Variants in CYP27C1 observed in about 807,000 individuals in gnomAD.
CYP27C1 encodes the protein cytochrome P450 27C1.
A neutral mutation model predicts 40.6 loss-of-function variants in CYP27C1; 29 were observed. The observed-to-expected ratio is 0.71, with a 90% confidence interval of 0.53 to 0.97. The LOEUF is 0.97. Ranked by LOEUF, CYP27C1 falls within the 50% of genes least tolerant of loss-of-function variation. The probability of loss-of-function intolerance (pLI) is 0.00; values close to 1 mark genes in which losing one functional copy is unlikely to be tolerated. For synonymous variants in CYP27C1, 198 were observed against 186.8 expected, an observed-to-expected ratio of 1.06 and a Z score of -0.49; for missense variants, 390 against 485.8, an observed-to-expected ratio of 0.80 and a Z score of 1.85.
Position 127,209,742 on chromosome 2 carries a change from G to C in CYP27C1, c.283-3652C>G, listed in dbSNP as rs530794059. Among the ~76,000 whole-genome samples the C allele has an allele frequency of 6.6e-6, 1 of 152,250 alleles. No individual in the cohort carries two copies. Among genetic ancestry groups the C allele is most frequent in the East Asian group, 1.9e-4 (1 of 5,186 alleles). ...ATACACAGGTATCAACAGCCAAATCGACCAAGTGGAAGAAAGGATATCAGA... is the reference window on the plus strand; with the variant it reads ...ATACACAGGTATCAACAGCCAAATCCACCAAGTGGAAGAAAGGATATCAGA... On this transcript the variant is annotated intron_variant, in intron 1 of 8. Transcript: ENST00000664447. This position sits in a 1 kb window ranked among gnomAD's most constrained non-coding sequence, Gnocchi z 4.1.
Position 127,187,234 on chromosome 2 carries a change from C to A in CYP27C1, c.*37G>T, listed in dbSNP as rs1213397240. 1 of 1,540,574 alleles carries A rather than the reference C, an allele frequency of 6.5e-7. No homozygotes were observed. On this transcript the variant is annotated 3_prime_UTR_variant, in exon 9 of 9. Transcript: ENST00000664447. ...CAAATACCCACTGTGTGTCGGCGAG[C>A]TGGTCTGCTACATCAGCCCAGGTTT...
intron 8 of CYP27C1, among the ~76,000 whole-genome samples, chr2:127,188,171 G>C: frequency 6.6e-6 from 1 of 152,186 alleles, no homozygotes; most frequent in East Asian, 1.9e-4. Context: ...AGATGAGCTG[G>C]CAATACCATA....
intron 1 of CYP27C1, among the ~76,000 whole-genome samples, chr2:127,212,516 A>G (rs1683358464): frequency 6.6e-6 from 1 of 152,204 alleles, no homozygotes; most frequent in Non-Finnish European, 1.5e-5. Context: ...TTTAACATAC[A>G]CAAATCAATA....
At chr2:127,197,832 C>T (rs187484622) in intron 5 of CYP27C1, among the ~76,000 whole-genome samples, 3 of 152,244 alleles carry the variant, frequency 2.0e-5, no homozygotes, top group South Asian at 4.2e-4. Flanking sequence ...TCATATTACA[C>T]ATGTGCTTTT....
chr2:127,204,500 G>GAAA lies in CYP27C1; in HGVS notation c.474-930_474-929insTTT, dbSNP rs1558931147. On this transcript the variant is annotated intron_variant, in intron 2 of 8. Coordinates refer to ENST00000664447, the MANE Select transcript of CYP27C1 (RefSeq NM_001367502.1). ...AGAAAGAAAGAAAGGAAGGAAGGAAGGAAGGAAAGAAAGAAGGAAAGAAAG... is the reference window on the plus strand; with the variant it reads ...AGAAAGAAAGAAAGGAAGGAAGGAAGAAAGAAGGAAAGAAAGAAGGAAAGAAAG... Among the ~76,000 whole-genome samples, 14 of 81,968 alleles carry GAAA rather than the reference G, an allele frequency of 1.7e-4. 2 individuals carry two copies. The highest frequency in any genetic ancestry group is 5.7e-4 in the African/African-American group (13 of 22,872). 53.8% of individuals were successfully genotyped at this position (81,968 alleles called of 152,430 possible). A position where few individuals can be genotyped will look rare whatever the true frequency, so the allele number is the denominator to read the frequency against.
intron 8 of CYP27C1, among the ~76,000 whole-genome samples, chr2:127,192,558 T>A (rs1429102212): frequency 2.6e-5 from 4 of 152,142 alleles, no homozygotes; most frequent in Non-Finnish European, 5.9e-5. Flanking sequence ...ACCACTGCTC[T>A]GTGTAAATGG....
chr2:127,196,870 C>A lies in CYP27C1; in HGVS notation c.1048-1369G>T, dbSNP rs566774954. ...AGACAGCATGCTATATGATTCCATT[C>A]TCATCAATGTTTAGAAAAATGTGGC... On this transcript the variant is annotated intron_variant, in intron 5 of 8. Coordinates refer to ENST00000664447, the MANE Select transcript of CYP27C1 (RefSeq NM_001367502.1). This position sits in a 1 kb window ranked among gnomAD's most constrained non-coding sequence, Gnocchi z 4.5. 9.2e-5 allele frequency among the ~76,000 whole-genome samples: 14 copies of A among 152,288 alleles called. No homozygotes were observed. Among genetic ancestry groups the A allele is most frequent in the African/African-American group, 3.4e-4 (14 of 41,572 alleles).
chr2:127,203,031 G>C (rs1012876307), intron 3 of CYP27C1, among the ~76,000 whole-genome samples: 14 of 152,092 alleles, frequency 9.2e-5, no homozygotes. Context: ...AGCCGGGAGT[G>C]GTGGCAGGTG....
At chr2:127,198,579 G>GTT (rs1285189213) in intron 5 of CYP27C1, among the ~76,000 whole-genome samples, 2 of 152,152 alleles carry the variant, frequency 1.3e-5, no homozygotes, top group African/African-American at 4.8e-5. Flanking sequence ...GTATAGTGAT[G>GTT]TTTTGGTCAA....
At chr2:127,204,555 G>GAGAGAA (rs1553503372) in intron 2 of CYP27C1, among the ~76,000 whole-genome samples, 51 of 39,168 alleles carry the variant, frequency 1.3e-3, no homozygotes, top group South Asian at 3.3e-3. Context: ...GAGAGAGAGA[G>GAGAGAA]AGAAAGAAAG....
intron 8 of CYP27C1, among the ~76,000 whole-genome samples, chr2:127,189,823 T>C (rs536582851): frequency 1.6e-4 from 24 of 152,222 alleles, no homozygotes; most frequent in Non-Finnish European, 3.5e-4. Flanking sequence ...TATGTGAAGA[T>C]GCCTTTCCGT....
rs1683023853 is a variant in CYP27C1, at chr2:127,201,136, C to T, written c.869G>A (p.Gly290Glu). Reference protein sequence around the residue: ...PWREFCRSWDGLFKFSQIHVD... With the variant: ...PWREFCRSWDELFKFSQIHVD... ...TCTTCTCTTACTGAATTTGAAGAGT[C>T]CATCCCAGGACCTGCAGAATTCCCG... is the stretch of plus-strand genomic sequence containing the variant. The change falls in exon 4 of 9, where the codon GGA becomes GAA. Residue 290 changes from glycine to glutamate, a missense_variant. Transcript: ENST00000664447. This position sits in a 1 kb window ranked among gnomAD's most constrained non-coding sequence, Gnocchi z 6.0. 6.2e-7 allele frequency: 1 copy of T among 1,613,240 alleles called. No individual in the cohort carries two copies. The highest frequency in any genetic ancestry group is 8.5e-7 in the Non-Finnish European group (1 of 1,179,986).
chr2:127,204,497 G>A (rs1164498495), intron 2 of CYP27C1, among the ~76,000 whole-genome samples: 1,175 of 58,248 alleles, frequency 0.02, 96 homozygotes, highest in Non-Finnish European at 0.027. Context: ...AGGAAGGAAG[G>A]AAGGAAGGAA....
chr2:127,210,229 T>C (rs2104698156), intron 1 of CYP27C1, among the ~76,000 whole-genome samples: 1 of 152,214 alleles, frequency 6.6e-6, no homozygotes, highest in South Asian at 2.1e-4. Context: ...GTTAAAGAAT[T>C]TTCAACCCAG....
chr2:127,204,440 A>AAAAAGAAAG (rs1268658274), intron 2 of CYP27C1, among the ~76,000 whole-genome samples: 34 of 41,328 alleles, frequency 8.2e-4, no homozygotes, highest in African/African-American at 2.4e-3. Context: ...GAAAGAAAGA[A>AAAAAGAAAG]AAAGAAAGAA....
chr2:127,204,360 G>GAGGA (rs1683118194), intron 2 of CYP27C1, among the ~76,000 whole-genome samples: 1 of 33,890 alleles, frequency 3.0e-5, no homozygotes, highest in Non-Finnish European at 5.0e-5. Flanking sequence ...AGGGGGGAGG[G>GAGGA]AGGAAGGAAA....
At chr2:127,214,781 TG>T (rs1261832083) in intron 1 of CYP27C1, among the ~76,000 whole-genome samples, 1,380 of 135,052 alleles carry the variant, frequency 0.01, 6 homozygotes, top group Non-Finnish European at 0.017. Context: ...ATCCGTTTTT[TG>T]TTTTTTTTTT....
intron 8 of CYP27C1, among the ~76,000 whole-genome samples, chr2:127,192,616 TC>T (rs577182108): frequency 0.056 from 4,451 of 78,882 alleles, 227 homozygotes; most frequent in African/African-American, 0.19. Flanking sequence ...ACTGTGCCTT[TC>T]CCGGGGGGGG....
intron 6 of CYP27C1, among the ~76,000 whole-genome samples, chr2:127,194,379 T>C (rs1458219019): frequency 6.6e-6 from 1 of 152,216 alleles, no homozygotes; most frequent in Non-Finnish European, 1.5e-5. Context: ...TTGACGGTCA[T>C]TATCAAGTCA....
Sources: gnomAD v4.1 joint callset for allele counts (sites outside exome capture counted in the v4.1 genomes callset) on GRCh38, gnomAD v4.1.1 for gene constraint, Gnocchi (gnomAD v3.1) non-coding constraint, MANE v1.5 for transcripts, NCBI Gene and HGNC (gene_info 2026-07-23, HGNC 2026-07-21) for gene names.